The following BRF1 variants were observed in gnomAD, a reference collection of about 807,000 sequenced individuals.
BRF1 encodes the protein BRF1 general transcription factor IIIB subunit, also known as transcription factor IIIB 90 kDa subunit.
BRF1 carries 59 observed loss-of-function variants against 81.7 expected under a neutral mutation model. The ratio of observed to expected loss-of-function variants is 0.72; its 90% CI spans 0.59 to 0.90. BRF1 has a LOEUF of 0.90. BRF1 is among the 40% of genes least tolerant of loss of function. The pLI, the probability that BRF1 is intolerant of heterozygous loss-of-function variation, is 0.00. For missense variants in BRF1, 1,050 were observed against 936.3 expected, an observed-to-expected ratio of 1.12 and a Z score of -1.58; for synonymous variants, 491 against 395.6, an observed-to-expected ratio of 1.24 and a Z score of -2.86.
chr14:105,222,469 G>A (rs1381328878), intron 10 of BRF1: 2 of 152,382 alleles, frequency 1.3e-5, no homozygotes, highest in African/African-American at 4.8e-5. Flanking sequence ...AAGACCTCCA[G>A]TCCTGAAGGA....
intron 1 of BRF1, among the ~76,000 whole-genome samples, chr14:105,311,078 G>A (rs1479279134): frequency 6.6e-6 from 1 of 151,490 alleles, no homozygotes; most frequent in African/African-American, 2.4e-5. Flanking sequence ...TCAGCCTCCC[G>A]AGTAGCTGGG....
chr14:105,224,226 G>A (rs1892741047), intron 10 of BRF1, among the ~76,000 whole-genome samples: 2 of 152,176 alleles, frequency 1.3e-5, no homozygotes, highest in Admixed American at 1.3e-4. Flanking sequence ...AAAATTAGCT[G>A]GGCGTGGTGG....
At chr14:105,249,282 C>G in intron 5 of BRF1, 1 of 1,556,500 alleles carries the variant, frequency 6.4e-7, no homozygotes, top group Non-Finnish European at 8.7e-7. Context: ...AACGCGTGCC[C>G]CGTCCGCCCC....
intron 4 of BRF1, among the ~76,000 whole-genome samples, chr14:105,253,705 T>A (rs587749543): frequency 3.0e-4 from 45 of 152,270 alleles, no homozygotes; most frequent in African/African-American, 8.7e-4. Flanking sequence ...CCACAGCAGC[T>A]CCTCCTGGTC....
intron 5 of BRF1, among the ~76,000 whole-genome samples, chr14:105,246,526 G>A (rs12889421): frequency 6.6e-6 from 1 of 152,110 alleles, no homozygotes; most frequent in East Asian, 1.9e-4. Flanking sequence ...CTGGAGTGCA[G>A]TAGCATGATC....
At chr14:105,267,884 C>T (rs910103043) in intron 3 of BRF1, among the ~76,000 whole-genome samples, 7 of 151,842 alleles carry the variant, frequency 4.6e-5, no homozygotes, top group African/African-American at 9.7e-5. Flanking sequence ...CCTGAACGGA[C>T]GGTTCTGCAG....
chr14:105,224,664 CAGCCTCCCGAGG>C (rs1441431812), intron 10 of BRF1, among the ~76,000 whole-genome samples: 1 of 152,204 alleles, frequency 6.6e-6, no homozygotes, highest in African/African-American at 2.4e-5. Context: ...CCTCCGGCCT[CAGCCTCCCGAGG>C]AGCTGGGACT....
At chr14:105,243,936 G>A (rs1040837156) in intron 5 of BRF1, among the ~76,000 whole-genome samples, 3 of 152,126 alleles carry the variant, frequency 2.0e-5, no homozygotes, top group Non-Finnish European at 4.4e-5. Flanking sequence ...GGAGGTGGAG[G>A]TTGCAATGAA....
chr14:105,315,110 C>T lies in BRF1; in HGVS notation c.-162+212G>A. On this transcript the variant is annotated intron_variant, in intron 1 of 17. Coordinates refer to the BRF1 transcript ENST00000327359. This position sits in a 1 kb window ranked among gnomAD's most constrained non-coding sequence, Gnocchi z 4.4. ...GTGTCCTGGCCGCGGCCTCTGCGCG[C>T]CCCATCCCCGGCCCGGGTCCCCCAG... 1 of 942,878 alleles carries T rather than the reference C, an allele frequency of 1.1e-6. No homozygotes were observed. The highest frequency in any genetic ancestry group is 1.3e-6 in the Non-Finnish European group (1 of 777,744). The allele number at this position is 942,878 out of a possible 1,614,324, so 58.4% of individuals were successfully genotyped here. A position where few individuals can be genotyped will look rare whatever the true frequency, so the allele number is the denominator to read the frequency against.
chr14:105,249,114 C>T (rs1566833825), intron 5 of BRF1: 2 of 1,504,044 alleles, frequency 1.3e-6, no homozygotes, highest in South Asian at 2.5e-5. Flanking sequence ...GCCCCCGCGC[C>T]CGCGCGCGCC....
At chr14:105,216,173 A>T (rs1891259629) in intron 15 of BRF1, among the ~76,000 whole-genome samples, 1 of 152,214 alleles carries the variant, frequency 6.6e-6, no homozygotes, top group Non-Finnish European at 1.5e-5. Context: ...ACACACAGAG[A>T]GACACACATG....
Position 105,286,366 on chromosome 14 carries a change from T to C in BRF1, c.195A>G (p.Lys65=), listed in dbSNP as rs1477287021. The C allele has an allele frequency of 6.2e-7, 1 of 1,613,026 alleles. No homozygotes were observed. The highest frequency in any genetic ancestry group is 1.1e-5 in the South Asian group (1 of 90,716). ...GGAAGCCGCCACCCAGAGTCGGGGT[T>C]TTGCCAGCACCTGGAAACACAAAAA... is the stretch of plus-strand genomic sequence containing the variant. The part of the protein sequence containing the change: ...GQFVSLDGAG[K]TPTLGGGFHV... Residue 65 remains lysine (K), a synonymous_variant, in exon 2 of 18, where the codon AAA becomes AAG. Coordinates refer to ENST00000547530, the MANE Select transcript of BRF1 (RefSeq NM_001519.4).
At chr14:105,212,431 C>G in intron 15 of BRF1, 1 of 457,300 alleles carries the variant, frequency 2.2e-6, no homozygotes, top group Non-Finnish European at 4.0e-6. Context: ...AGCCCACTCC[C>G]CTTCCAACAG....
rs749659821 is a variant in BRF1, at chr14:105,272,771, T to C, written c.389A>G (p.His130Arg). ...RHLTRGRKMA[H>R]VIAACLYLVC... ...CAGGTAGAGGCAGGCAGCAATCACG[T>C]GGGCCATCTTCCGGCCGCGGGTCAG... is the stretch of plus-strand genomic sequence containing the variant. Residue 130 changes from histidine to arginine, a missense_variant, in exon 3 of 18, where the codon CAC becomes CGC. Coordinates refer to ENST00000547530, the MANE Select transcript of BRF1 (RefSeq NM_001519.4). 6.2e-7 allele frequency: 1 copy of C among 1,613,938 alleles called. No homozygotes were observed. The highest frequency in any genetic ancestry group is 8.5e-7 in the Non-Finnish European group (1 of 1,179,978).
chr14:105,262,689 T>C (rs745661743), intron 3 of BRF1, among the ~76,000 whole-genome samples: 16 of 152,172 alleles, frequency 1.1e-4, no homozygotes, highest in Non-Finnish European at 2.4e-4. Context: ...TCACGGATAA[T>C]GCAGCTGCTA....
At chr14:105,229,601 G>T (rs879729377) in intron 6 of BRF1, among the ~76,000 whole-genome samples, 7 of 152,232 alleles carry the variant, frequency 4.6e-5, no homozygotes, top group Non-Finnish European at 8.8e-5. Context: ...TGCGACCTGG[G>T]GGGTCACAGA....
chr14:105,216,113 A>C (rs1891242503), intron 15 of BRF1, among the ~76,000 whole-genome samples: 2 of 152,244 alleles, frequency 1.3e-5, no homozygotes, highest in Admixed American at 6.5e-5. Context: ...ACAGGCACAC[A>C]CTGCATGCAC....
Position 105,300,413 on chromosome 14 carries a change from G to A in BRF1, c.184+33C>T, listed in dbSNP as rs750067466. On this transcript the variant is annotated intron_variant, in intron 1 of 17. Coordinates refer to ENST00000547530, the MANE Select transcript of BRF1 (RefSeq NM_001519.4). Reference sequence around the variant, plus strand: ...CTCCAGCCCGCCTAAGCCGCACCGAGAAATCCGCGCAGCGCCAGCCCGCGG... The same window carrying A: ...CTCCAGCCCGCCTAAGCCGCACCGAAAAATCCGCGCAGCGCCAGCCCGCGG... The A allele has an allele frequency of 1.0e-5, 15 of 1,500,674 alleles. No individual in the cohort carries two copies. In the East Asian group the frequency reaches 1.3e-4, roughly 13 times the overall value. 93.0% of individuals were successfully genotyped at this position (1,500,674 alleles called of 1,614,324 possible).
intron 2 of BRF1, among the ~76,000 whole-genome samples, chr14:105,279,228 G>A (rs587748182): frequency 6.6e-6 from 1 of 152,216 alleles, no homozygotes; most frequent in African/African-American, 2.4e-5. Flanking sequence ...AAAAAATTCA[G>A]AAGTTTCTGT....
Sources: gnomAD v4.1 joint callset for allele counts (sites outside exome capture counted in the v4.1 genomes callset) on GRCh38, gnomAD v4.1.1 for gene constraint, Gnocchi (gnomAD v3.1) non-coding constraint, MANE v1.5 for transcripts, NCBI Gene and HGNC (gene_info 2026-07-23, HGNC 2026-07-21) for gene names.